The following ST6GALNAC3 variants were observed in gnomAD, a reference collection of about 807,000 sequenced individuals.
The protein encoded by ST6GALNAC3 is ST6 N-acetylgalactosaminide alpha-2,6-sialyltransferase 3, also known as alpha-N-acetylgalactosaminide alpha-2,6-sialyltransferase 3.
Under a neutral mutation model 32.7 loss-of-function variants are expected in ST6GALNAC3, and 25 were observed. The ratio of observed to expected loss-of-function variants is 0.76; its 90% CI spans 0.56 to 1.07. The LOEUF is 1.07. Among genes scored for constraint, ST6GALNAC3 ranks in the 50% least tolerant of loss-of-function variants. The pLI, the probability that ST6GALNAC3 is intolerant of heterozygous loss-of-function variation, is 0.00. For synonymous variants in ST6GALNAC3, 129 were observed against 133.1 expected (o/e 0.97, Z 0.21); for missense variants, 355 against 382.4 (o/e 0.93, Z 0.60).
At chr1:76,406,708 A>G (rs973045145) in intron 2 of ST6GALNAC3, among the ~76,000 whole-genome samples, 4 of 152,048 alleles carry the variant, frequency 2.6e-5, no homozygotes, top group African/African-American at 9.7e-5. Context: ...GTATATTAAG[A>G]ATAGTGAAAA....
intron 3 of ST6GALNAC3, among the ~76,000 whole-genome samples, chr1:76,487,335 C>G (rs1660190546): frequency 6.6e-6 from 1 of 152,146 alleles, no homozygotes; most frequent in South Asian, 2.1e-4. Flanking sequence ...CAACTTGGTT[C>G]CATTCTCCCC....
chr1:76,184,186 G>C (rs979450507), intron 1 of ST6GALNAC3, among the ~76,000 whole-genome samples: 2 of 151,998 alleles, frequency 1.3e-5, no homozygotes, highest in Middle Eastern at 3.2e-3. Flanking sequence ...TTCTTTGAGA[G>C]GATCAGTTCT....
intron 3 of ST6GALNAC3, among the ~76,000 whole-genome samples, chr1:76,514,774 C>G (rs12725146): frequency 0.1 from 15,306 of 152,182 alleles, 949 homozygotes; most frequent in East Asian, 0.22. Context: ...CTGGTATTCT[C>G]TTATTACAAC....
At position 76,630,829 on chromosome 1, in the gene ST6GALNAC3, TG is replaced by T. The variant is rs1057322651; in HGVS notation, c.*2024del. 1 of 985,496 alleles carries T rather than the reference TG, an allele frequency of 1.0e-6. No individual in the cohort carries two copies. Among genetic ancestry groups the T allele is most frequent in the African/African-American group, 1.7e-5 (1 of 57,186 alleles). 61.0% of individuals were successfully genotyped at this position (985,496 alleles called of 1,614,324 possible). On this transcript the variant is annotated 3_prime_UTR_variant, in exon 5 of 5. Coordinates refer to ENST00000328299, the MANE Select transcript of ST6GALNAC3 (RefSeq NM_152996.4). ...TGAATGTTAAGTTTTTTTGAGCTAATGATAGATAGAAATGCCCACTCAAAGA... is the reference window on the plus strand; with the variant it reads ...TGAATGTTAAGTTTTTTTGAGCTAATATAGATAGAAATGCCCACTCAAAGA...
At chr1:76,522,125 C>CT (rs1662580878) in intron 3 of ST6GALNAC3, among the ~76,000 whole-genome samples, 1 of 149,628 alleles carries the variant, frequency 6.7e-6, no homozygotes, top group African/African-American at 2.4e-5. Context: ...TTTCTTCTGG[C>CT]TTATATCATT....
chr1:76,453,596 C>T (rs1184096091), intron 3 of ST6GALNAC3, among the ~76,000 whole-genome samples: 2 of 151,974 alleles, frequency 1.3e-5, no homozygotes, highest in Non-Finnish European at 2.9e-5. Flanking sequence ...CTGAGGGTTC[C>T]TTTTCGAGTT....
At chr1:76,275,608 G>T (rs1399424226) in intron 1 of ST6GALNAC3, among the ~76,000 whole-genome samples, 1 of 152,090 alleles carries the variant, frequency 6.6e-6, no homozygotes, top group Non-Finnish European at 1.5e-5. Context: ...TACTGGTGGG[G>T]ATGGGGTGTA....
At chr1:76,175,178 A>G (rs771969085) in intron 1 of ST6GALNAC3, among the ~76,000 whole-genome samples, 23 of 151,950 alleles carry the variant, frequency 1.5e-4, no homozygotes, top group Non-Finnish European at 2.9e-4. Flanking sequence ...TGCTGGGTCA[A>G]TGTTTTTGTA....
At chr1:76,568,631 C>A (rs1189640588) in intron 3 of ST6GALNAC3, among the ~76,000 whole-genome samples, 1 of 152,174 alleles carries the variant, frequency 6.6e-6, no homozygotes, top group East Asian at 1.9e-4. Flanking sequence ...TTTTACCCAA[C>A]CAAACAATAA....
chr1:76,620,181 GAT>G (rs1648548814), intron 3 of ST6GALNAC3, among the ~76,000 whole-genome samples: 1 of 152,020 alleles, frequency 6.6e-6, no homozygotes, highest in African/African-American at 2.4e-5. Context: ...ATTGCAGCTT[GAT>G]ATATAAGATT....
At chr1:76,382,448 A>G (rs1199210717) in intron 2 of ST6GALNAC3, among the ~76,000 whole-genome samples, 1 of 152,206 alleles carries the variant, frequency 6.6e-6, no homozygotes, top group Admixed American at 6.5e-5. Context: ...AGAATCTAAG[A>G]GATATGTTTA....
chr1:76,335,523 G>A (rs534960375), intron 2 of ST6GALNAC3, among the ~76,000 whole-genome samples: 2 of 152,224 alleles, frequency 1.3e-5, no homozygotes, highest in South Asian at 2.1e-4. Context: ...AGCTTTGAGA[G>A]GGGGGAAGAA....
At chr1:76,573,773 A>G (rs1447366588) in intron 3 of ST6GALNAC3, among the ~76,000 whole-genome samples, 1 of 152,048 alleles carries the variant, frequency 6.6e-6, no homozygotes, top group Non-Finnish European at 1.5e-5. Context: ...TTATGCAGAT[A>G]TAAATACTGT....
At chr1:76,092,662 G>A (rs1357324893) in intron 1 of ST6GALNAC3, among the ~76,000 whole-genome samples, 2 of 152,142 alleles carry the variant, frequency 1.3e-5, no homozygotes, top group African/African-American at 2.4e-5. Flanking sequence ...CCCATGCTTG[G>A]TGTAATATTC....
intron 1 of ST6GALNAC3, among the ~76,000 whole-genome samples, chr1:76,182,078 A>G (rs756110221): frequency 2.6e-5 from 4 of 152,090 alleles, no homozygotes; most frequent in Non-Finnish European, 5.9e-5. Context: ...CTAATATCAA[A>G]CTTACTCTTC....
At chr1:76,137,848 T>G (rs1014639982) in intron 1 of ST6GALNAC3, among the ~76,000 whole-genome samples, 1 of 152,216 alleles carries the variant, frequency 6.6e-6, no homozygotes, top group Non-Finnish European at 1.5e-5. Flanking sequence ...GTTTCGGCCA[T>G]TTGTGGCTCT....
chr1:76,122,668 G>A (rs1163049922), intron 1 of ST6GALNAC3, among the ~76,000 whole-genome samples: 1 of 152,176 alleles, frequency 6.6e-6, no homozygotes, highest in African/African-American at 2.4e-5. Context: ...GACCAGCACA[G>A]CTTTTTGGGT....
intron 1 of ST6GALNAC3, among the ~76,000 whole-genome samples, chr1:76,102,150 T>C (rs924708762): frequency 3.3e-5 from 5 of 152,090 alleles, no homozygotes; most frequent in Admixed American, 2.0e-4. Context: ...ATATACCTAG[T>C]AAGACTTTCT....
At chr1:76,209,036 A>C (rs1240443865) in intron 1 of ST6GALNAC3, among the ~76,000 whole-genome samples, 2 of 152,154 alleles carry the variant, frequency 1.3e-5, no homozygotes, top group African/African-American at 4.8e-5. Context: ...TTTTGTGTCT[A>C]GTGGCTCATT....
Sources: gnomAD v4.1 joint callset for allele counts (sites outside exome capture counted in the v4.1 genomes callset) on GRCh38, gnomAD v4.1.1 for gene constraint, MANE v1.5 for transcripts, NCBI Gene and HGNC (gene_info 2026-07-23, HGNC 2026-07-21) for gene names.